Variants in GRM8 observed in about 807,000 individuals in gnomAD.
GRM8 encodes the protein metabotropic glutamate receptor 8.
A neutral mutation model predicts 87.2 loss-of-function variants in GRM8; 47 were observed. The observed-to-expected ratio is 0.54, with a 90% CI of 0.43 to 0.69. The LOEUF is 0.69. Among genes scored for constraint, GRM8 ranks in the 30% least tolerant of loss-of-function variants. The pLI, the probability that GRM8 is intolerant of heterozygous loss-of-function variation, is 0.00. For synonymous variants in GRM8, 396 were observed against 404.5 expected (o/e 0.98, Z 0.25); for missense variants, 1,019 against 1,139.2 (o/e 0.89, Z 1.52).
intron 7 of GRM8, among the ~76,000 whole-genome samples, chr7:126,668,017 G>T (rs1371246467): frequency 6.6e-6 from 1 of 152,176 alleles, no homozygotes; most frequent in African/African-American, 2.4e-5. Flanking sequence ...CAGCGAAGGG[G>T]TGCCTGGAGA....
At chr7:126,470,116 T>C (rs1804985198) in intron 9 of GRM8, among the ~76,000 whole-genome samples, 1 of 152,162 alleles carries the variant, frequency 6.6e-6, no homozygotes, top group African/African-American at 2.4e-5. Flanking sequence ...ATTTTGCCCC[T>C]GCCTTAGAGA....
intron 9 of GRM8, among the ~76,000 whole-genome samples, chr7:126,503,923 A>C (rs1040913389): frequency 1.3e-5 from 2 of 151,980 alleles, no homozygotes; most frequent in African/African-American, 2.4e-5. Flanking sequence ...CATTGATCAC[A>C]TGAAGGATGT....
chr7:127,050,347 T>A (rs1819342473), intron 3 of GRM8, among the ~76,000 whole-genome samples: 1 of 152,120 alleles, frequency 6.6e-6, no homozygotes, highest in African/African-American at 2.4e-5. Context: ...TTCAGAAGAC[T>A]GGAACCATGG....
chr7:126,641,641 A>T (rs1343851366), intron 7 of GRM8, among the ~76,000 whole-genome samples: 1 of 152,146 alleles, frequency 6.6e-6, no homozygotes, highest in Non-Finnish European at 1.5e-5. Flanking sequence ...CCTGACAAGT[A>T]GGGAGTTTTA....
At chr7:126,936,560 T>C (rs1806344610) in intron 3 of GRM8, among the ~76,000 whole-genome samples, 1 of 152,224 alleles carries the variant, frequency 6.6e-6, no homozygotes, top group Non-Finnish European at 1.5e-5. Flanking sequence ...CAGCCTTCTT[T>C]GCACCTCGGA....
intron 7 of GRM8, among the ~76,000 whole-genome samples, chr7:126,705,164 G>A (rs536870101): frequency 3.3e-5 from 5 of 152,234 alleles, no homozygotes; most frequent in African/African-American, 1.2e-4. Flanking sequence ...ACTATCGGGG[G>A]CAGGTTCCCC....
intron 7 of GRM8, among the ~76,000 whole-genome samples, chr7:126,661,327 A>T (rs1012202335): frequency 7.9e-5 from 12 of 152,174 alleles, no homozygotes; most frequent in African/African-American, 1.9e-4. Flanking sequence ...ATTAAAACTT[A>T]AAAAAATCTC....
intron 2 of GRM8, among the ~76,000 whole-genome samples, chr7:127,234,238 T>G (rs1037314061): frequency 6.6e-6 from 1 of 152,182 alleles, no homozygotes; most frequent in Non-Finnish European, 1.5e-5. Flanking sequence ...AATTCCCAAT[T>G]AATGTATATC....
At chr7:127,182,033 A>C (rs989049639) in intron 2 of GRM8, among the ~76,000 whole-genome samples, 1 of 152,150 alleles carries the variant, frequency 6.6e-6, no homozygotes, top group African/African-American at 2.4e-5. Context: ...ATGGCAAAAG[A>C]AACTGTCAGC....
intron 6 of GRM8, among the ~76,000 whole-genome samples, chr7:126,900,718 C>T (rs1030075969): frequency 1.4e-4 from 21 of 152,206 alleles, no homozygotes; most frequent in South Asian, 6.2e-4. Context: ...CCATGTTGCC[C>T]AGGCTGGTCT....
intron 7 of GRM8, among the ~76,000 whole-genome samples, chr7:126,642,265 G>A (rs559854578): frequency 1.3e-5 from 2 of 152,280 alleles, no homozygotes; most frequent in South Asian, 2.1e-4. Flanking sequence ...TCATCCCTGT[G>A]TCACTTTCAC....
intron 3 of GRM8, among the ~76,000 whole-genome samples, chr7:127,036,007 A>G (rs774582480): frequency 1.3e-5 from 2 of 152,114 alleles, no homozygotes; most frequent in South Asian, 2.1e-4. Context: ...GGCTTGCTCT[A>G]TATTTATCAG....
chr7:126,820,825 G>A (rs1794227955), intron 6 of GRM8, among the ~76,000 whole-genome samples: 1 of 152,204 alleles, frequency 6.6e-6, no homozygotes, highest in African/African-American at 2.4e-5. Context: ...CCATCCTAGG[G>A]CACGGTGGCT....
chr7:126,726,937 T>A (rs1174414616), intron 7 of GRM8, among the ~76,000 whole-genome samples: 1 of 152,080 alleles, frequency 6.6e-6, no homozygotes, highest in Non-Finnish European at 1.5e-5. Context: ...AAGCACTTAA[T>A]ATAAATTTAC....
chr7:126,460,803 CAG>C (rs994103831), intron 9 of GRM8, among the ~76,000 whole-genome samples: 17 of 151,548 alleles, frequency 1.1e-4, no homozygotes, highest in African/African-American at 4.1e-4. Flanking sequence ...CAGTTTGAGA[CAG>C]CTTCTAGGAC....
At chr7:126,924,386 T>C (rs1216778549) in intron 3 of GRM8, among the ~76,000 whole-genome samples, 4 of 152,222 alleles carry the variant, frequency 2.6e-5, no homozygotes, top group African/African-American at 7.2e-5. Flanking sequence ...GTTAAGTTAT[T>C]TTCCTGCATT....
intron 9 of GRM8, among the ~76,000 whole-genome samples, chr7:126,462,995 C>A (rs1171878025): frequency 2.0e-5 from 3 of 151,476 alleles, no homozygotes; most frequent in African/African-American, 7.3e-5. Context: ...GAGTGCCTGG[C>A]CAGTCATCGA....
intron 6 of GRM8, among the ~76,000 whole-genome samples, chr7:126,841,991 A>T (rs1200293795): frequency 6.6e-6 from 1 of 152,176 alleles, no homozygotes; most frequent in East Asian, 1.9e-4. Flanking sequence ...TGTGGAATAA[A>T]ACAGAAGCTC....
At chr7:126,671,195 C>G (rs1261862805) in intron 7 of GRM8, among the ~76,000 whole-genome samples, 1 of 152,144 alleles carries the variant, frequency 6.6e-6, no homozygotes, top group Non-Finnish European at 1.5e-5. Context: ...ATGTCACTTT[C>G]TAACAGGTCC....
Sources: gnomAD v4.1 joint callset for allele counts (sites outside exome capture counted in the v4.1 genomes callset) on GRCh38, gnomAD v4.1.1 for gene constraint, MANE v1.5 for transcripts, NCBI Gene and HGNC (gene_info 2026-07-23, HGNC 2026-07-21) for gene names.